VCPIP1: variants seen among roughly 807,000 people sequenced by gnomAD.
The protein encoded by VCPIP1 is valosin containing protein interacting protein 1, also known as deubiquitinating protein VCPIP1.
VCPIP1 carries 8 observed loss-of-function variants against 85.0 expected under a neutral mutation model. The observed-to-expected ratio is 0.09, with a 90% CI of 0.06 to 0.17. VCPIP1 has a LOEUF of 0.17. Among genes scored for constraint, VCPIP1 ranks in the 10% least tolerant of loss-of-function variants. VCPIP1 has a pLI of 1.00. For missense variants in VCPIP1, 1,070 were observed against 1,486.3 expected, an observed-to-expected ratio of 0.72 and a Z score of 4.61; for synonymous variants, 543 against 544.5, an observed-to-expected ratio of 1.00 and a Z score of 0.04.
intron 2 of VCPIP1, among the ~76,000 whole-genome samples, chr8:66,638,506 G>A (rs59410806): frequency 0.079 from 11,567 of 146,338 alleles, 929 homozygotes; most frequent in African/African-American, 0.2. Flanking sequence ...AAGGCCAGGC[G>A]CGGTGGCTCA....
Position 66,633,456 on chromosome 8 carries a change from A to G in VCPIP1, c.*1045T>C, listed in dbSNP as rs1810853167. Reference sequence around the variant, plus strand: ...TGCTTCTCAAGGAAACTGGCACTGAAGATTTGATGAATACACTAAGCAAAT... The same window carrying G: ...TGCTTCTCAAGGAAACTGGCACTGAGGATTTGATGAATACACTAAGCAAAT... On this transcript the variant is annotated 3_prime_UTR_variant, in exon 3 of 3. Transcript: ENST00000310421. The G allele has an allele frequency of 6.6e-6, 1 of 152,438 alleles. No homozygotes were observed. The highest frequency in any genetic ancestry group is 1.5e-5 in the Non-Finnish European group (1 of 67,962). The allele number at this position is 152,438 out of a possible 1,614,324, so 9.4% of individuals were successfully genotyped here. A position where few individuals can be genotyped will look rare whatever the true frequency, so the allele number is the denominator to read the frequency against.
chr8:66,646,072 ATTT>A (rs111341096), intron 2 of VCPIP1, among the ~76,000 whole-genome samples: 5 of 140,004 alleles, frequency 3.6e-5, no homozygotes, highest in Non-Finnish European at 4.7e-5. Context: ...GTCAAAATGC[ATTT>A]TTTTTTTTTT....
intron 1 of VCPIP1, among the ~76,000 whole-genome samples, chr8:66,662,691 T>C (rs1255363619): frequency 2.0e-5 from 3 of 151,898 alleles, no homozygotes; most frequent in South Asian, 2.1e-4. Flanking sequence ...CATTTATTTA[T>C]TTATTTTTTG....
At chr8:66,647,018 C>G (rs546728312) in intron 2 of VCPIP1, among the ~76,000 whole-genome samples, 5 of 152,034 alleles carry the variant, frequency 3.3e-5, no homozygotes, top group Non-Finnish European at 7.4e-5. Context: ...GAGCAAGACT[C>G]TGTCTCAAAA....
In VCPIP1 at chr8:66,632,540, T is replaced by C. The variant is rs955348904; in HGVS notation, c.*1961A>G. 6.6e-6 allele frequency: 1 copy of C among 152,142 alleles called. No individual in the cohort carries two copies. The highest frequency in any genetic ancestry group is 1.5e-5 in the Non-Finnish European group (1 of 67,946). 9.4% of individuals were successfully genotyped at this position (152,142 alleles called of 1,614,324 possible). On this transcript the variant is annotated 3_prime_UTR_variant, in exon 3 of 3. Transcript: ENST00000310421. ...AATGTAAGAATAGGGAGATAAAGTTTGTTTCTGGTATTTTATGTTAATGCT... is the reference window on the plus strand; with the variant it reads ...AATGTAAGAATAGGGAGATAAAGTTCGTTTCTGGTATTTTATGTTAATGCT...
chr8:66,637,329 G>A (rs1018823810), intron 2 of VCPIP1, among the ~76,000 whole-genome samples: 11 of 151,910 alleles, frequency 7.2e-5, no homozygotes, highest in African/African-American at 2.7e-4. Context: ...CAACATGGGT[G>A]ATAGCAAGAA....
intron 2 of VCPIP1, among the ~76,000 whole-genome samples, chr8:66,642,203 C>T (rs2130154463): frequency 6.6e-6 from 1 of 152,278 alleles, no homozygotes; most frequent in Middle Eastern, 3.4e-3. Context: ...TGATGTTTAG[C>T]ATCTTTTCAC....
intron 2 of VCPIP1, among the ~76,000 whole-genome samples, chr8:66,639,712 T>C (rs1256185578): frequency 3.9e-5 from 6 of 152,190 alleles, no homozygotes; most frequent in Non-Finnish European, 8.8e-5. Context: ...CAATACTGTT[T>C]TTCAAATGTA....
At chr8:66,647,171 T>C (rs992181436) in intron 2 of VCPIP1, among the ~76,000 whole-genome samples, 1 of 151,980 alleles carries the variant, frequency 6.6e-6, no homozygotes, top group African/African-American at 2.4e-5. Context: ...TGAAACCCTG[T>C]CTCTACTAAA....
At chr8:66,656,968 C>T (rs934963753) in intron 1 of VCPIP1, among the ~76,000 whole-genome samples, 5 of 152,096 alleles carry the variant, frequency 3.3e-5, no homozygotes, top group African/African-American at 9.7e-5. Flanking sequence ...TGCAGTGGCG[C>T]AATCTCTGTT....
intron 2 of VCPIP1, among the ~76,000 whole-genome samples, chr8:66,638,970 CTATA>C (rs1554584185): frequency 6.8e-5 from 8 of 118,424 alleles, no homozygotes; most frequent in African/African-American, 1.2e-4. Flanking sequence ...CTCTCTCTCT[CTATA>C]TATATATATA....
Position 66,664,261 on chromosome 8 carries a change from C to T in VCPIP1, c.2698G>A (p.Ala900Thr), listed in dbSNP as rs1199818840. The T allele has an allele frequency of 4.5e-6, 7 of 1,571,916 alleles. No individual in the cohort carries two copies. The highest frequency in any genetic ancestry group is 5.2e-6 in the Non-Finnish European group (6 of 1,155,656). The change falls in exon 1 of 3, where the codon GCA (alanine) becomes ACA (threonine). Residue 900 changes from alanine to threonine, a missense_variant. Ala to Thr is a moderately conservative substitution (Grantham distance 58). Around this residue, in one of 8 missense-constraint regions of VCPIP1, gnomAD observed 278 missense variants for 298.5 expected, o/e 0.93. Coordinates refer to ENST00000310421, the MANE Select transcript of VCPIP1 (RefSeq NM_025054.5). ...AAATTCATCTTACCCATTAATGTTG[C>T]TAAAAGACACAAGGAGTACATTTCT... ...EKEMYSLCLLATLMGEDVWSY... is the reference protein window; with the variant it reads ...EKEMYSLCLLTTLMGEDVWSY...
chr8:66,660,351 T>A (rs1248131966), intron 1 of VCPIP1, among the ~76,000 whole-genome samples: 2 of 152,142 alleles, frequency 1.3e-5, no homozygotes, highest in Non-Finnish European at 2.9e-5. Context: ...AACAAATAAT[T>A]AAACCAACAA....
intron 2 of VCPIP1, among the ~76,000 whole-genome samples, chr8:66,649,466 A>C (rs77077657): frequency 6.6e-6 from 1 of 152,156 alleles, no homozygotes; most frequent in African/African-American, 2.4e-5. Context: ...CTATAACTGC[A>C]CCACAGCACT....
intron 1 of VCPIP1, among the ~76,000 whole-genome samples, chr8:66,655,645 C>A (rs1048716498): frequency 1.2e-4 from 19 of 152,036 alleles, no homozygotes; most frequent in African/African-American, 3.9e-4. Context: ...ACTGACTTTT[C>A]CCTGAATCTT....
intron 1 of VCPIP1, among the ~76,000 whole-genome samples, chr8:66,659,700 G>C (rs958294928): frequency 6.6e-6 from 1 of 152,166 alleles, no homozygotes; most frequent in Non-Finnish European, 1.5e-5. Flanking sequence ...GGGAAGCCGA[G>C]GCGGTGGATT....
rs760029763 is a variant in VCPIP1 at position 66,666,932 on chromosome 8, AGGC to A, written c.24_26del (p.Pro10del). ...GGGGAGGAGGTGGCGGCGGCAACGG[AGGC>A]GGCGGCGGCGGCGGCTGAGACATAG... On this transcript the variant is annotated inframe_deletion, in exon 1 of 3. Transcript: ENST00000310421. The surrounding 1 kb of genome is among the most constrained non-coding windows in gnomAD (Gnocchi z 6.3). 54 of 1,580,744 alleles carry A rather than the reference AGGC, an allele frequency of 3.4e-5. No individual in the cohort carries two copies. Among genetic ancestry groups the A allele is most frequent in the South Asian group, 1.2e-4 (11 of 88,302 alleles).
chr8:66,645,759 C>CAAAAA (rs1179669993), intron 2 of VCPIP1, among the ~76,000 whole-genome samples: 665 of 57,394 alleles, frequency 0.012, 9 homozygotes, highest in South Asian at 0.064. Context: ...CCTGTCTCTA[C>CAAAAA]AAAAAAAAAA....
rs776930051 is a variant in VCPIP1, at chr8:66,634,807, G to C, written c.3363C>G (p.Asp1121Glu). 21 of 1,614,202 alleles carry C rather than the reference G, an allele frequency of 1.3e-5. 1 individual carries two copies. The South Asian group carries it at 2.2e-4, about 17-fold the overall frequency. Residue 1121 changes from aspartate to glutamate, a missense_variant, in exon 3 of 3, where the codon GAC (aspartate) becomes GAG (glutamate). Coordinates refer to ENST00000310421, the MANE Select transcript of VCPIP1 (RefSeq NM_025054.5). ...EMVSSIQASM[D>E]RHLRDQSTEQ... ...CTGTACTTTGATCCCGAAGGTGCCTGTCCATTGAAGCCTGAATAGAAGAAA... is the reference window on the plus strand; with the variant it reads ...CTGTACTTTGATCCCGAAGGTGCCTCTCCATTGAAGCCTGAATAGAAGAAA...
Sources: gnomAD v4.1 joint callset for allele counts (sites outside exome capture counted in the v4.1 genomes callset) on GRCh38, gnomAD v4.1.1 for gene constraint, gnomAD v4.1.1 regional missense constraint, Gnocchi (gnomAD v3.1) non-coding constraint, MANE v1.5 for transcripts, NCBI Gene and HGNC (gene_info 2026-07-23, HGNC 2026-07-21) for gene names.